The following CDKN2A variants were observed in gnomAD, a reference collection of about 807,000 sequenced individuals.
CDKN2A encodes cyclin-dependent kinase inhibitor 2A.
CDKN2A carries 3 observed loss-of-function variants against 11.1 expected under a neutral mutation model. The ratio of observed to expected loss-of-function variants is 0.27; its 90% CI spans 0.12 to 0.70. The LOEUF (loss-of-function observed/expected upper bound fraction) is 0.70. CDKN2A is among the 30% of genes least tolerant of loss of function. The probability of loss-of-function intolerance (pLI) is 0.77; values close to 1 mark genes in which losing one functional copy is unlikely to be tolerated. For missense variants in CDKN2A, 265 were observed against 233.6 expected (o/e 1.13, Z -0.88); for synonymous variants, 122 against 108.1 (o/e 1.13, Z -0.80).
chr9:21,973,210 C>G (rs994163724), intron 1 of CDKN2A, among the ~76,000 whole-genome samples: 7 of 152,038 alleles, frequency 4.6e-5, no homozygotes, highest in Non-Finnish European at 4.4e-5. Context: ...ATATTTAAAT[C>G]ATGATAGAAA....
At chr9:21,981,925 A>T (rs1364181749) in intron 2 of CDKN2A, among the ~76,000 whole-genome samples, 1 of 152,234 alleles carries the variant, frequency 6.6e-6, no homozygotes, top group African/African-American at 2.4e-5. Flanking sequence ...ACCTCCAAAC[A>T]GATTTGCTAA....
At chr9:21,969,956 A>G (rs1819624343) in intron 2 of CDKN2A, among the ~76,000 whole-genome samples, 1 of 152,162 alleles carries the variant, frequency 6.6e-6, no homozygotes, top group African/African-American at 2.4e-5. Context: ...CTATGGCCCA[A>G]GGAGCCCAAT....
Position 21,991,589 on chromosome 9 carries a change from T to G in CDKN2A, c.-4+2293A>C, listed in dbSNP as rs1820431282. ...TATTTTTGATACCATTTGTATCACT[T>G]TAGTAATAGGAGTTTTTCATATGTT... On this transcript the variant is annotated intron_variant, in intron 2 of 3. Coordinates refer to the CDKN2A transcript ENST00000494262. The surrounding 1 kb of genome is among the most constrained non-coding windows in gnomAD (Gnocchi z 5.2). The G allele has an allele frequency of 2.2e-6, 2 of 910,318 alleles. No homozygotes were observed. Among genetic ancestry groups the G allele is most frequent in the Non-Finnish European group, 2.6e-6 (2 of 761,538 alleles). The allele number at this position is 910,318 out of a possible 1,614,324, so 56.4% of individuals were successfully genotyped here.
Position 21,968,033 on chromosome 9 carries a change from A to G in CDKN2A, c.*196T>C. On this transcript the variant is annotated 3_prime_UTR_variant, in exon 3 of 3. Transcript: ENST00000304494. This position sits in a 1 kb window ranked among gnomAD's most constrained non-coding sequence, Gnocchi z 4.7. ...TTTTTATAAGAATATATAAAAAATG[A>G]TATAAATGGACATTTACGGTAGTGG... 1.2e-5 allele frequency: 7 copies of G among 599,226 alleles called. No individual in the cohort carries two copies. The highest frequency in any genetic ancestry group is 2.1e-5 in the Non-Finnish European group (7 of 334,100). The allele number at this position is 599,226 out of a possible 1,614,324, so 37.1% of individuals were successfully genotyped here. A position where few individuals can be genotyped will look rare whatever the true frequency, so the allele number is the denominator to read the frequency against.
chr9:21,993,741 G>A (rs1820496884), intron 2 of CDKN2A: 1 of 210,882 alleles, frequency 4.7e-6, no homozygotes, highest in Non-Finnish European at 9.6e-6. Flanking sequence ...AAACTTAGAT[G>A]GTTAGCAATA....
intron 2 of CDKN2A, among the ~76,000 whole-genome samples, chr9:21,980,602 G>A (rs112173569): frequency 1.2e-4 from 19 of 152,230 alleles, no homozygotes; most frequent in Admixed American, 5.2e-4. Context: ...GCTTAAAGTT[G>A]TCAATATTAA....
intron 2 of CDKN2A, chr9:21,970,386 G>A (rs1051256980): frequency 3.5e-6 from 1 of 284,148 alleles, no homozygotes; most frequent in Non-Finnish European, 6.6e-6. Flanking sequence ...AAAGCGGAGG[G>A]TCAGATTAGC....
chr9:21,970,832 GT>G, intron 2 of CDKN2A, 69 bp downstream of exon 2: 1 of 1,580,366 alleles, frequency 6.3e-7, no homozygotes, highest in Admixed American at 1.7e-5. Flanking sequence ...TGAACTTTCT[GT>G]GCTGGAAAAT....
chr9:21,970,817 C>A (rs1819673754), intron 2 of CDKN2A, 85 bp downstream of exon 2: 2 of 1,536,352 alleles, frequency 1.3e-6, no homozygotes, highest in Non-Finnish European at 1.8e-6. Context: ...ACTGGTCTCC[C>A]GGGCTGAACT....
chr9:21,991,947 A>C lies in CDKN2A; in HGVS notation c.-4+1935T>G, dbSNP rs1820439778. Reference sequence around the variant, plus strand: ...AACCTGAGCCTTCTGAAGTAGCTATAAACAAATGAATATTTAACTTCATAA... The same window carrying C: ...AACCTGAGCCTTCTGAAGTAGCTATCAACAAATGAATATTTAACTTCATAA... On this transcript the variant is annotated intron_variant, in intron 2 of 3. Transcript: ENST00000494262. This position sits in a 1 kb window ranked among gnomAD's most constrained non-coding sequence, Gnocchi z 5.2. 6 of 982,950 alleles carry C rather than the reference A, an allele frequency of 6.1e-6. No homozygotes were observed. Among genetic ancestry groups the C allele is most frequent in the Non-Finnish European group, 7.2e-6 (6 of 827,754 alleles). The allele number at this position is 982,950 out of a possible 1,614,324, so 60.9% of individuals were successfully genotyped here.
upstream of CDKN2A, chr9:21,974,960 G>T: frequency 7.1e-7 from 1 of 1,417,792 alleles, no homozygotes; most frequent in Non-Finnish European, 9.1e-7. This position sits in a 1 kb window ranked among gnomAD's most constrained non-coding sequence, Gnocchi z 5.2. Flanking sequence ...AGCCCCCTCC[G>T]ACCCTGTCCC....
intron 1 of CDKN2A, chr9:21,971,430 T>C: frequency 7.1e-7 from 1 of 1,402,260 alleles, no homozygotes; most frequent in Non-Finnish European, 9.4e-7. Context: ...TGCGGAGCTG[T>C]CGTCACAGGC....
rs200129494 is a variant in CDKN2A, at chr9:21,974,463, AC to A, written c.150+214del. 1.9e-3 allele frequency: 3,106 copies of A among 1,612,006 alleles called. 44 individuals are homozygous for A. The African/African-American group carries it at 0.033, about 17-fold the overall frequency. On this transcript the variant is annotated intron_variant, in intron 1 of 2. Transcript: ENST00000304494. This position sits in a 1 kb window ranked among gnomAD's most constrained non-coding sequence, Gnocchi z 5.2. ...TCTTCTCAGCATTCGAGAGATCTGT[AC>A]GCGCGTGGCTCCTCATTCCTCTTCC...
intron 2 of CDKN2A, among the ~76,000 whole-genome samples, chr9:21,981,811 A>G (rs1203341822): frequency 6.6e-6 from 1 of 152,152 alleles, no homozygotes; most frequent in Admixed American, 6.5e-5. Context: ...CGGGAAAGAA[A>G]CACTTTCTTA....
At chr9:21,971,307 C>G (rs1563890121) in intron 1 of CDKN2A, 99 bp from the exon 2 acceptor site, 2 of 1,533,760 alleles carry the variant, frequency 1.3e-6, no homozygotes, top group African/African-American at 1.4e-5. Flanking sequence ...GACCCCCACA[C>G]AAGCCCCAGG....
intron 2 of CDKN2A, among the ~76,000 whole-genome samples, chr9:21,989,153 T>C (rs1396446672): frequency 6.6e-6 from 1 of 152,230 alleles, no homozygotes; most frequent in East Asian, 1.9e-4. Context: ...GTGGGTTTGC[T>C]GAATACACAT....
chr9:21,981,417 A>C (rs1405493045), intron 2 of CDKN2A, among the ~76,000 whole-genome samples: 1 of 151,794 alleles, frequency 6.6e-6, no homozygotes, highest in Non-Finnish European at 1.5e-5. Flanking sequence ...AGAGCGAGAT[A>C]TATGCCCTGT....
At chr9:21,992,486 TA>T in intron 2 of CDKN2A, 1 of 851,740 alleles carries the variant, frequency 1.2e-6, no homozygotes, top group African/African-American at 1.8e-5. Context: ...TATACCTAAA[TA>T]ACAAAAAATG....
upstream of CDKN2A, among the ~76,000 whole-genome samples, chr9:21,977,326 C>T (rs1462322633): frequency 6.6e-6 from 1 of 152,046 alleles, no homozygotes; most frequent in African/African-American, 2.4e-5. Context: ...ATTTCCATCA[C>T]TAATACAATG....
Sources: gnomAD v4.1 joint callset for allele counts (sites outside exome capture counted in the v4.1 genomes callset) on GRCh38, gnomAD v4.1.1 for gene constraint, Gnocchi (gnomAD v3.1) non-coding constraint, MANE v1.5 for transcripts, NCBI Gene and HGNC (gene_info 2026-07-23, HGNC 2026-07-21) for gene names.